MTDH: variants seen among roughly 807,000 people sequenced by gnomAD.
MTDH encodes the protein metadherin.
In MTDH, 34 loss-of-function variants were observed where a neutral mutation model predicts 72.7. The ratio of observed to expected loss-of-function variants is 0.47; its 90% CI spans 0.36 to 0.62. MTDH has a LOEUF of 0.62. Ranked by LOEUF, MTDH falls within the 20% of genes least tolerant of loss-of-function variation. MTDH has a pLI of 0.00. For synonymous variants in MTDH, 266 were observed against 268.9 expected (o/e 0.99, Z 0.10); for missense variants, 677 against 699.4 (o/e 0.97, Z 0.36).
At chr8:97,709,778 A>G (rs914656603) in intron 8 of MTDH, among the ~76,000 whole-genome samples, 2 of 152,228 alleles carry the variant, frequency 1.3e-5, no homozygotes, top group African/African-American at 2.4e-5. Context: ...GGTACTGTGA[A>G]AATGGGATTG....
chr8:97,659,142 CA>C (rs11346137), intron 1 of MTDH, among the ~76,000 whole-genome samples: 24,278 of 124,912 alleles, frequency 0.19, 5,494 homozygotes, highest in African/African-American at 0.55. Flanking sequence ...GACTGCGTCT[CA>C]AAAAAAAAAA....
At chr8:97,671,476 CATT>C (rs1398024979) in intron 2 of MTDH, among the ~76,000 whole-genome samples, 2 of 151,914 alleles carry the variant, frequency 1.3e-5, no homozygotes, top group Non-Finnish European at 2.9e-5. Flanking sequence ...ATATAGGTAT[CATT>C]ATATAACGTA....
intron 10 of MTDH, 52 bp from the exon 11 acceptor site, chr8:97,722,827 C>G: frequency 6.5e-7 from 1 of 1,548,572 alleles, no homozygotes; most frequent in Non-Finnish European, 8.7e-7. Context: ...GATATTTAAA[C>G]TTTATTTGAA....
At chr8:97,665,714 A>G (rs546685224) in intron 2 of MTDH, among the ~76,000 whole-genome samples, 3 of 152,262 alleles carry the variant, frequency 2.0e-5, no homozygotes, top group Non-Finnish European at 4.4e-5. Context: ...ATATTCAGAC[A>G]TAAGGGGAAG....
At chr8:97,667,061 G>C (rs1237179480) in intron 2 of MTDH, among the ~76,000 whole-genome samples, 1 of 151,582 alleles carries the variant, frequency 6.6e-6, no homozygotes, top group African/African-American at 2.4e-5. Context: ...GCACAGTCAT[G>C]CTCACTGCAG....
At chr8:97,646,418 A>T (rs1811564839) in intron 1 of MTDH, among the ~76,000 whole-genome samples, 1 of 152,246 alleles carries the variant, frequency 6.6e-6, no homozygotes, top group East Asian at 1.9e-4. Context: ...ATTACCAATT[A>T]TCAAAGTAAT....
At chr8:97,713,445 T>A (rs1586278593) in intron 8 of MTDH, among the ~76,000 whole-genome samples, 1 of 152,362 alleles carries the variant, frequency 6.6e-6, no homozygotes, top group East Asian at 1.9e-4. Flanking sequence ...TAGTGAGTGA[T>A]GGATGACGTA....
intron 1 of MTDH, 107 bp downstream of exon 1, chr8:97,644,994 C>G: frequency 7.6e-7 from 1 of 1,318,086 alleles, no homozygotes; most frequent in Non-Finnish European, 1.0e-6. Flanking sequence ...AGTGCTTAGT[C>G]GAAAGCCGAG....
rs180856652 is a variant in MTDH, at chr8:97,726,612, T to G, written c.*1942T>G. On this transcript the variant is annotated 3_prime_UTR_variant, in exon 12 of 12. Coordinates refer to ENST00000336273, the MANE Select transcript of MTDH (RefSeq NM_178812.4). ...GTTGGATTTTATTTCTGCAGCCTAG[T>G]ATCTCCCCATTCTACCACCTATGCC... The G allele has an allele frequency of 9.8e-5, 15 of 152,358 alleles. 1 individual carries two copies. The highest frequency in any genetic ancestry group is 8.5e-4 in the Admixed American group (13 of 15,288). 9.4% of individuals were successfully genotyped at this position (152,358 alleles called of 1,614,324 possible).
At chr8:97,670,618 G>T (rs907347281) in intron 2 of MTDH, among the ~76,000 whole-genome samples, 1 of 152,138 alleles carries the variant, frequency 6.6e-6, no homozygotes, top group Non-Finnish European at 1.5e-5. Context: ...GCGAGACTCC[G>T]TCTCAAAATA....
chr8:97,683,617 C>T (rs1031641639), intron 2 of MTDH, among the ~76,000 whole-genome samples: 1 of 151,884 alleles, frequency 6.6e-6, no homozygotes, highest in Non-Finnish European at 1.5e-5. Flanking sequence ...TGGTCTCATA[C>T]TCCTGAGCTC....
chr8:97,708,804 TAGCC>T (rs1267880270), intron 8 of MTDH, among the ~76,000 whole-genome samples: 10 of 151,530 alleles, frequency 6.6e-5, no homozygotes, highest in Admixed American at 6.6e-5. Context: ...TTTGCCATGT[TAGCC>T]AGGCTGGTCT....
rs561426320 is a variant in MTDH, at chr8:97,664,355, C to CA, written c.483+3195dup. Among the ~76,000 whole-genome samples, 986 of 136,998 alleles carry CA rather than the reference C, an allele frequency of 7.2e-3. 22 individuals are homozygous for CA. In the South Asian group the frequency reaches 0.082, roughly 11 times the overall value. The allele number at this position is 136,998 out of a possible 152,430, so 89.9% of individuals were successfully genotyped here. ...TGGGTGACAGAATAAGATTCCATCT[C>CA]AAAAAAAAAAAAATGGATGCAGTTT... On this transcript the variant is annotated intron_variant, in intron 2 of 11. Transcript: ENST00000336273.
intron 9 of MTDH, 27 bp from the exon 10 acceptor site, chr8:97,719,022 A>C: frequency 1.9e-6 from 3 of 1,557,644 alleles, no homozygotes; most frequent in Non-Finnish European, 2.6e-6. Flanking sequence ...TGCTTTATAT[A>C]ATCTAATAGG....
chr8:97,689,115 T>G lies in MTDH; in HGVS notation c.811+12T>G. 2.6e-6 allele frequency: 4 copies of G among 1,520,798 alleles called. No individual in the cohort carries two copies. The highest frequency in any genetic ancestry group is 3.6e-6 in the Non-Finnish European group (4 of 1,108,726). The allele number at this position is 1,520,798 out of a possible 1,614,324, so 94.2% of individuals were successfully genotyped here. On this transcript the variant is annotated intron_variant, in intron 5 of 11. Coordinates refer to ENST00000336273, the MANE Select transcript of MTDH (RefSeq NM_178812.4). Reference sequence around the variant, plus strand: ...TTCTACACTTCAGGGTGAGAGAAATTACATGTAACTTAAATTGAAGGCCCA... The same window carrying G: ...TTCTACACTTCAGGGTGAGAGAAATGACATGTAACTTAAATTGAAGGCCCA...
At chr8:97,660,193 A>G (rs1330330499) in intron 1 of MTDH, among the ~76,000 whole-genome samples, 1 of 152,214 alleles carries the variant, frequency 6.6e-6, no homozygotes, top group Non-Finnish European at 1.5e-5. Context: ...ATTCTGGTTA[A>G]AAGCCAGATT....
At chr8:97,685,074 C>A (rs193226879) in intron 2 of MTDH, among the ~76,000 whole-genome samples, 34 of 151,896 alleles carry the variant, frequency 2.2e-4, no homozygotes, top group East Asian at 1.5e-3. Flanking sequence ...TCAAAAAAAA[C>A]CAAAAAATAA....
chr8:97,662,036 T>C (rs1812191370), intron 2 of MTDH, among the ~76,000 whole-genome samples: 1 of 152,272 alleles, frequency 6.6e-6, no homozygotes, highest in South Asian at 2.1e-4. Flanking sequence ...TTTTATTAAT[T>C]TTCCAGTTGC....
chr8:97,697,462 G>A (rs1402017848), intron 6 of MTDH, among the ~76,000 whole-genome samples: 1 of 142,228 alleles, frequency 7.0e-6, no homozygotes, highest in South Asian at 2.3e-4. Context: ...CTCGGCTCAC[G>A]GCAACCTCCG....
Sources: allele counts gnomAD v4.1 joint callset (sites outside exome capture counted in the v4.1 genomes callset), GRCh38; gene constraint gnomAD v4.1.1; transcripts MANE v1.5; gene names NCBI Gene and HGNC (gene_info 2026-07-23, HGNC 2026-07-21).